TLE6: variants seen among roughly 807,000 people sequenced by gnomAD.
TLE6 encodes the protein transducin-like enhancer protein 6.
In TLE6, 72 loss-of-function variants were observed where a neutral mutation model predicts 77.1. The observed-to-expected ratio is 0.93, with a 90% CI of 0.77 to 1.14. The LOEUF is 1.14. TLE6 is among the 50% of genes most tolerant of loss of function. TLE6 has a pLI of 0.00. For synonymous variants in TLE6, 366 were observed against 287.3 expected, an observed-to-expected ratio of 1.27 and a Z score of -2.77; for missense variants, 843 against 747.6, an observed-to-expected ratio of 1.13 and a Z score of -1.49.
intron 5 of TLE6, 84 bp downstream of exon 5, chr19:2,982,273 C>G: frequency 6.8e-7 from 1 of 1,462,626 alleles, no homozygotes; most frequent in Non-Finnish European, 9.4e-7. Flanking sequence ...CACAGTGGCT[C>G]AAACCTGTAA....
intron 2 of TLE6, 109 bp from the exon 3 acceptor site, chr19:2,979,991 C>T: frequency 3.1e-6 from 2 of 652,970 alleles, no homozygotes; most frequent in Non-Finnish European, 4.9e-6. Flanking sequence ...GCAAAAACCA[C>T]AATTACTTTT....
chr19:2,993,503 G>A lies in TLE6; in HGVS notation c.1458G>A (p.Leu486=), dbSNP rs1344046574. Residue 486 remains leucine, a synonymous_variant, in exon 15 of 17, where the codon CTG becomes CTA. Coordinates refer to ENST00000246112, the MANE Select transcript of TLE6 (RefSeq NM_001143986.2). The part of the protein sequence containing the change: ...LLGMANGQQW[L]QSTSGSQRHM... ...GCATGGCCAATGGCCAGCAGTGGCTGCAAAGCACCAGCGGGAGCCAGCGGC... is the reference window on the plus strand; with the variant it reads ...GCATGGCCAATGGCCAGCAGTGGCTACAAAGCACCAGCGGGAGCCAGCGGC... The A allele has an allele frequency of 1.3e-6, 2 of 1,598,012 alleles. No homozygotes were observed. Among genetic ancestry groups the A allele is most frequent in the Admixed American group, 1.7e-5 (1 of 59,208 alleles).
At chr19:2,985,399 C>CTGTTTT (rs2088885659) in intron 5 of TLE6, among the ~76,000 whole-genome samples, 1 of 89,988 alleles carries the variant, frequency 1.1e-5, no homozygotes, top group African/African-American at 4.9e-5. Context: ...TGCTTGAAGC[C>CTGTTTT]TTTTTTTTTT....
At chr19:2,987,479 A>T in intron 8 of TLE6, 107 bp downstream of exon 8, 2 of 1,515,596 alleles carry the variant, frequency 1.3e-6, no homozygotes, top group Non-Finnish European at 9.1e-7. Flanking sequence ...TCTTCCTTCC[A>T]TCCTGCCCCT....
At chr19:2,977,790 T>G (rs1056836481) in intron 1 of TLE6, among the ~76,000 whole-genome samples, 180 bp downstream of exon 1, 2 of 152,144 alleles carry the variant, frequency 1.3e-5, no homozygotes, top group African/African-American at 4.8e-5. Context: ...TTCCGCCTAA[T>G]GCACCTGGCT....
intron 11 of TLE6, among the ~76,000 whole-genome samples, chr19:2,988,792 A>G (rs1448476044): frequency 3.3e-5 from 5 of 152,160 alleles, no homozygotes; most frequent in African/African-American, 1.2e-4. Context: ...GGAGCATAAT[A>G]GCTAGGACCA....
chr19:2,990,674 TATATAC>T (rs1389176323), intron 13 of TLE6, among the ~76,000 whole-genome samples: 5 of 81,810 alleles, frequency 6.1e-5, no homozygotes, highest in East Asian at 6.0e-4. Flanking sequence ...TATACATAAA[TATATAC>T]ATAAATATAT....
At chr19:2,989,022 C>T in intron 11 of TLE6, 39 bp from the exon 12 acceptor site, 2 of 1,604,686 alleles carry the variant, frequency 1.2e-6, no homozygotes, top group Non-Finnish European at 1.7e-6. Flanking sequence ...CAAAGGGGCT[C>T]ACAAGCAGGT....
intron 13 of TLE6, among the ~76,000 whole-genome samples, chr19:2,990,253 A>G (rs1163393658): frequency 6.6e-6 from 1 of 151,960 alleles, no homozygotes; most frequent in African/African-American, 2.4e-5. Flanking sequence ...TAAATAGAAT[A>G]AATTTTATTT....
rs1200316710 is a variant in TLE6, at chr19:2,982,535, CAAAA to C, written c.222+365_222+368del. 3.3e-4 allele frequency among the ~76,000 whole-genome samples: 14 copies of C among 41,840 alleles called. No homozygotes were observed. The South Asian group carries it at 0.011, about 32-fold the overall frequency. 27.4% of individuals were successfully genotyped at this position (41,840 alleles called of 152,430 possible). A position where few individuals can be genotyped will look rare whatever the true frequency, so the allele number is the denominator to read the frequency against. On this transcript the variant is annotated intron_variant, in intron 5 of 16. Transcript: ENST00000246112. Reference sequence around the variant, plus strand: ...CCTGGGCGACAGCGAGACTCTGTCTCAAAAAAAAAAAAAAAAAAAAAAGGAGGTG... The same window carrying C: ...CCTGGGCGACAGCGAGACTCTGTCTCAAAAAAAAAAAAAAAAAAGGAGGTG...
chr19:2,979,666 C>T lies in TLE6; in HGVS notation c.52-434C>T, dbSNP rs993873035. On this transcript the variant is annotated intron_variant, in intron 2 of 16. Coordinates refer to ENST00000246112, the MANE Select transcript of TLE6 (RefSeq NM_001143986.2). ...CTTTACTGAAATAAGAGAGGCCGGG[C>T]GCGGTGGTTCATGCCTGTCATTCCA... 5.0e-4 allele frequency among the ~76,000 whole-genome samples: 76 copies of T among 151,608 alleles called. 1 individual carries two copies. Among genetic ancestry groups the T allele is most frequent in the African/African-American group, 1.7e-3 (72 of 41,422 alleles).
chr19:2,985,629 C>A (rs1415177403), intron 5 of TLE6, among the ~76,000 whole-genome samples: 3 of 147,822 alleles, frequency 2.0e-5, no homozygotes, highest in Non-Finnish European at 4.5e-5. Context: ...CCATGTTAGC[C>A]AGGATGGTCT....
chr19:2,986,884 C>T lies in TLE6; in HGVS notation c.278C>T (p.Ser93Phe). 3.2e-6 allele frequency: 5 copies of T among 1,551,760 alleles called. No homozygotes were observed. Among genetic ancestry groups the T allele is most frequent in the Non-Finnish European group, 4.4e-6 (5 of 1,147,020 alleles). ...ESCSQLQGFQSEEVSPAEPAS... is the reference protein window; with the variant it reads ...ESCSQLQGFQFEEVSPAEPAS... ...TGCAGCCAACTCCAGGGTTTCCAGT[C>T]TGAGGAGGTGAGTTTCTGGGTCTTC... The change falls in exon 6 of 17, where the codon TCT becomes TTT. Residue 93 changes from serine (S) to phenylalanine (F), a missense_variant. By Grantham distance (155) the Ser-to-Phe change is radical (BLOSUM62 -2). Coordinates refer to ENST00000246112, the MANE Select transcript of TLE6 (RefSeq NM_001143986.2).
At chr19:2,987,304 A>G (rs1338537375) in intron 7 of TLE6, 52 bp from the exon 8 acceptor site, 18 of 1,614,136 alleles carry the variant, frequency 1.1e-5, no homozygotes, top group Non-Finnish European at 1.4e-5. Flanking sequence ...CTGTGCAGTG[A>G]ACCCTGCTGT....
chr19:2,993,772 C>T (rs1223028194), intron 15 of TLE6, among the ~76,000 whole-genome samples, 190 bp downstream of exon 15: 1 of 151,878 alleles, frequency 6.6e-6, no homozygotes, highest in Non-Finnish European at 1.5e-5. Context: ...GCCCTTCCTC[C>T]CCACCCGCCC....
intron 13 of TLE6, among the ~76,000 whole-genome samples, chr19:2,990,833 T>C (rs2089034135): frequency 6.7e-6 from 1 of 150,152 alleles, no homozygotes; most frequent in Non-Finnish European, 1.5e-5. Context: ...AAACCCCCTC[T>C]CTACTAAAAA....
chr19:2,993,389 G>A (rs1334472585), intron 14 of TLE6, 43 bp from the exon 15 acceptor site: 5 of 1,562,732 alleles, frequency 3.2e-6, no homozygotes, highest in Middle Eastern at 1.8e-4. Context: ...GGGCCAGGCT[G>A]GGACCTAACC....
At chr19:2,984,815 A>C (rs1435403790) in intron 5 of TLE6, among the ~76,000 whole-genome samples, 3 of 151,890 alleles carry the variant, frequency 2.0e-5, no homozygotes, top group Non-Finnish European at 4.4e-5. Context: ...CATATGCATG[A>C]CTATATTTAT....
At chr19:2,978,753 T>TA (rs570560908) in intron 2 of TLE6, among the ~76,000 whole-genome samples, 3 of 151,052 alleles carry the variant, frequency 2.0e-5, no homozygotes, top group Non-Finnish European at 4.4e-5. Context: ...AGATCCCATC[T>TA]AAAAAAAAAT....
Sources: allele counts gnomAD v4.1 joint callset (sites outside exome capture counted in the v4.1 genomes callset), GRCh38; gene constraint gnomAD v4.1.1; transcripts MANE v1.5; gene names NCBI Gene and HGNC (gene_info 2026-07-23, HGNC 2026-07-21).